The following CPQ variants were observed in gnomAD, a reference collection of about 807,000 sequenced individuals.
CPQ encodes the protein carboxypeptidase Q.
CPQ carries 37 observed loss-of-function variants against 45.7 expected under a neutral mutation model. The ratio of observed to expected loss-of-function variants is 0.81; its 90% confidence interval spans 0.62 to 1.07. The LOEUF (loss-of-function observed/expected upper bound fraction) is 1.07, where lower values mean the gene tolerates loss of function less well. Among genes scored for constraint, CPQ ranks in the 50% least tolerant of loss-of-function variants. The pLI, the probability that CPQ is intolerant of heterozygous loss-of-function variation, is 0.00. For missense variants in CPQ, 537 were observed against 572.9 expected, an observed-to-expected ratio of 0.94 and a Z score of 0.64; for synonymous variants, 186 against 205.8, an observed-to-expected ratio of 0.90 and a Z score of 0.82.
intron 1 of CPQ, among the ~76,000 whole-genome samples, chr8:96,700,246 A>T (rs1482665973): frequency 6.6e-6 from 1 of 152,122 alleles, no homozygotes; most frequent in Non-Finnish European, 1.5e-5. Context: ...GCCAAGGCTG[A>T]TAGACAATGG....
intron 1 of CPQ, among the ~76,000 whole-genome samples, chr8:96,669,050 A>G (rs1808965041): frequency 6.6e-6 from 1 of 152,224 alleles, no homozygotes; most frequent in African/African-American, 2.4e-5. Context: ...TGTCTACTCT[A>G]ATAAGGCTGT....
In CPQ at chr8:96,837,307, C is replaced by G. The variant is rs536636161; in HGVS notation, c.641+2127C>G. Among the ~76,000 whole-genome samples, 5 of 152,302 alleles carry G rather than the reference C, an allele frequency of 3.3e-5. No homozygotes were observed. In the South Asian group the frequency reaches 1.0e-3, roughly 32 times the overall value. Reference sequence around the variant, plus strand: ...CCTCACCTTTCATTTGCTCTTCAGACTATTATAGCCTGGCTTTTGCCAATA... The same window carrying G: ...CCTCACCTTTCATTTGCTCTTCAGAGTATTATAGCCTGGCTTTTGCCAATA... On this transcript the variant is annotated intron_variant, in intron 3 of 7. Coordinates refer to ENST00000220763, the MANE Select transcript of CPQ (RefSeq NM_016134.4).
At chr8:96,970,249 A>G (rs1813642309) in intron 5 of CPQ, among the ~76,000 whole-genome samples, 1 of 152,188 alleles carries the variant, frequency 6.6e-6, no homozygotes, top group Non-Finnish European at 1.5e-5. Flanking sequence ...CGAATCTGGG[A>G]CTAGCCCAGA....
At chr8:96,723,098 C>CA (rs1809787008) in intron 1 of CPQ, among the ~76,000 whole-genome samples, 1 of 152,272 alleles carries the variant, frequency 6.6e-6, no homozygotes, top group South Asian at 2.1e-4. Context: ...CTTGAACATG[C>CA]AATCCTTCCA....
intron 1 of CPQ, among the ~76,000 whole-genome samples, chr8:96,705,326 C>T (rs1228450676): frequency 6.6e-6 from 1 of 152,124 alleles, no homozygotes; most frequent in Non-Finnish European, 1.5e-5. Flanking sequence ...TAGCATGCTT[C>T]CAGCTTAATA....
intron 7 of CPQ, among the ~76,000 whole-genome samples, chr8:97,135,157 G>T (rs536971518): frequency 6.6e-6 from 1 of 152,310 alleles, no homozygotes; most frequent in Admixed American, 6.5e-5. Flanking sequence ...TGGGCTTAGT[G>T]GCGCACCTAA....
At chr8:96,694,307 A>T (rs982340425) in intron 1 of CPQ, among the ~76,000 whole-genome samples, 3 of 152,202 alleles carry the variant, frequency 2.0e-5, no homozygotes, top group African/African-American at 4.8e-5. Flanking sequence ...AGAACTCTCC[A>T]ATCAAAGGAC....
intron 7 of CPQ, among the ~76,000 whole-genome samples, chr8:97,122,932 A>T (rs11782831): frequency 0.041 from 1,534 of 37,106 alleles, 22 homozygotes; most frequent in African/African-American, 0.074. Context: ...TAAAATAAAT[A>T]AAATAAAATA....
At chr8:97,034,381 A>G (rs1469976664) in intron 6 of CPQ, among the ~76,000 whole-genome samples, 10 of 152,206 alleles carry the variant, frequency 6.6e-5, no homozygotes, top group Admixed American at 6.5e-4. Flanking sequence ...GCAAGTTCAC[A>G]TGTTTCAATA....
intron 5 of CPQ, among the ~76,000 whole-genome samples, chr8:97,008,203 C>T (rs1408519164): frequency 6.6e-6 from 1 of 152,028 alleles, no homozygotes; most frequent in African/African-American, 2.4e-5. Flanking sequence ...ATTATTTGCT[C>T]AGAAAAATTT....
intron 1 of CPQ, among the ~76,000 whole-genome samples, chr8:96,664,240 G>T (rs1037557198): frequency 2.0e-5 from 3 of 152,208 alleles, no homozygotes; most frequent in Non-Finnish European, 2.9e-5. Context: ...AGTATGAACA[G>T]AGTATTTGGC....
intron 2 of CPQ, among the ~76,000 whole-genome samples, chr8:96,789,189 T>C (rs1810814578): frequency 6.6e-6 from 1 of 151,958 alleles, no homozygotes; most frequent in Non-Finnish European, 1.5e-5. Context: ...TGTGTATGGG[T>C]TGTACTTTAT....
rs189611058 is a variant in CPQ, at chr8:96,744,482, C to T, written c.-34-40382C>T. 3.4e-3 allele frequency among the ~76,000 whole-genome samples: 521 copies of T among 152,304 alleles called. 7 individuals are homozygous for T. Among genetic ancestry groups the T allele is most frequent in the African/African-American group, 0.012 (482 of 41,570 alleles). On this transcript the variant is annotated intron_variant, in intron 1 of 7. Transcript: ENST00000220763. ...GCTGTAGACCGGAGGTGTTCCTATT[C>T]GGCCATCTTGGCTCCTCCTCCTAGT...
At chr8:96,888,464 C>T (rs1418200422) in intron 4 of CPQ, among the ~76,000 whole-genome samples, 4 of 152,136 alleles carry the variant, frequency 2.6e-5, no homozygotes, top group African/African-American at 9.7e-5. Context: ...TATCATCACA[C>T]TAATGGTAAA....
chr8:96,786,491 T>C (rs79109087), intron 2 of CPQ, among the ~76,000 whole-genome samples: 6,893 of 152,226 alleles, frequency 0.045, 540 homozygotes, highest in African/African-American at 0.16. Flanking sequence ...TGAACATTCA[T>C]GCACAAGTTT....
intron 6 of CPQ, among the ~76,000 whole-genome samples, chr8:97,047,387 A>G (rs572660926): frequency 4.6e-5 from 7 of 152,342 alleles, no homozygotes; most frequent in African/African-American, 1.4e-4. Context: ...CATACATAGC[A>G]GCATATTTAG....
In CPQ at chr8:96,904,962, G is replaced by A. The variant is rs1586445663; in HGVS notation, c.849+24957G>A. On this transcript the variant is annotated intron_variant, in intron 4 of 7. Coordinates refer to ENST00000220763, the MANE Select transcript of CPQ (RefSeq NM_016134.4). ...TTCTTTGATTGGATGACAGTAGAGT[G>A]CTTTGAGGTCCTCAGTAGACAGTAG... Among the ~76,000 whole-genome samples the A allele has an allele frequency of 2.0e-5, 3 of 152,230 alleles. No homozygotes were observed. In the South Asian group the frequency reaches 6.2e-4, roughly 32 times the overall value.
intron 6 of CPQ, among the ~76,000 whole-genome samples, chr8:97,055,956 C>T (rs1810449328): frequency 1.3e-5 from 2 of 152,068 alleles, no homozygotes; most frequent in South Asian, 2.1e-4. Context: ...AAAAAATTAG[C>T]TGGGCGTGGT....
At chr8:96,832,690 T>C (rs1229035120) in intron 2 of CPQ, among the ~76,000 whole-genome samples, 2 of 152,126 alleles carry the variant, frequency 1.3e-5, no homozygotes, top group Non-Finnish European at 2.9e-5. Flanking sequence ...GAGTGGAATC[T>C]TGAGGGATGC....
Sources: gnomAD v4.1 joint callset for allele counts (sites outside exome capture counted in the v4.1 genomes callset) on GRCh38, gnomAD v4.1.1 for gene constraint, MANE v1.5 for transcripts, NCBI Gene and HGNC (gene_info 2026-07-23, HGNC 2026-07-21) for gene names.